Variants in GRIK2 observed in about 807,000 individuals in gnomAD.
The protein encoded by GRIK2 is glutamate ionotropic receptor kainate type subunit 2.
GRIK2 carries 32 observed loss-of-function variants against 100.3 expected under a neutral mutation model. The ratio of observed to expected loss-of-function variants is 0.32; its 90% CI spans 0.24 to 0.43. The LOEUF is 0.43. Among genes scored for constraint, GRIK2 ranks in the 20% least tolerant of loss-of-function variants. The pLI, the probability that GRIK2 is intolerant of heterozygous loss-of-function variation, is 1.00. For missense variants in GRIK2, 843 were observed against 1,114.9 expected, an observed-to-expected ratio of 0.76 and a Z score of 3.47; for synonymous variants, 417 against 389.4, an observed-to-expected ratio of 1.07 and a Z score of -0.83.
At chr6:101,708,842 T>G (rs1583000461) in intron 7 of GRIK2, among the ~76,000 whole-genome samples, 1 of 151,762 alleles carries the variant, frequency 6.6e-6, no homozygotes, top group Non-Finnish European at 1.5e-5. Context: ...AACAAAGATA[T>G]GTTGAAATCC....
chr6:101,697,435 A>G (rs1458745007), intron 7 of GRIK2, among the ~76,000 whole-genome samples: 3 of 151,604 alleles, frequency 2.0e-5, no homozygotes, highest in Non-Finnish European at 4.4e-5. Context: ...ACTTGAATCC[A>G]GTAGTCTTCT....
At chr6:101,535,144 A>C (rs977510565) in intron 2 of GRIK2, among the ~76,000 whole-genome samples, 2 of 151,368 alleles carry the variant, frequency 1.3e-5, no homozygotes, top group Non-Finnish European at 3.0e-5. Flanking sequence ...CAGTCTTGTG[A>C]AAAAAAACAG....
rs200482371 is a variant in GRIK2, at chr6:101,451,702, G to GA, written c.115+52310_115+52311insA. Reference sequence around the variant, plus strand: ...GCCCATTATTTATCTCTGAGGGGGGGGGGGGTGCCAAATACCTCCCACTTT... The same window carrying GA: ...GCCCATTATTTATCTCTGAGGGGGGGAGGGGGTGCCAAATACCTCCCACTTT... On this transcript the variant is annotated intron_variant, in intron 2 of 16. Coordinates refer to ENST00000369134, the MANE Select transcript of GRIK2 (RefSeq NM_021956.5). Among the ~76,000 whole-genome samples the GA allele has an allele frequency of 6.0e-5, 9 of 150,284 alleles. 1 individual carries two copies. Among genetic ancestry groups the GA allele is most frequent in the Non-Finnish European group, 1.5e-5 (1 of 67,292 alleles).
At chr6:101,822,098 G>A (rs1007278605) in intron 10 of GRIK2, among the ~76,000 whole-genome samples, 1 of 151,626 alleles carries the variant, frequency 6.6e-6, no homozygotes, top group African/African-American at 2.4e-5. Flanking sequence ...TGATGAATAT[G>A]TATTGAATAA....
At chr6:101,992,169 G>C (rs1367465812) in intron 14 of GRIK2, among the ~76,000 whole-genome samples, 3 of 151,526 alleles carry the variant, frequency 2.0e-5, no homozygotes, top group African/African-American at 7.2e-5. Context: ...AAGCAGATCA[G>C]TCAGTTGCAG....
At chr6:102,005,761 T>A (rs1795185443) in intron 14 of GRIK2, among the ~76,000 whole-genome samples, 1 of 152,262 alleles carries the variant, frequency 6.6e-6, no homozygotes, top group Non-Finnish European at 1.5e-5. Flanking sequence ...TATATTACTT[T>A]GGTATGGCTA....
intron 2 of GRIK2, among the ~76,000 whole-genome samples, chr6:101,536,752 TG>T (rs1359056859): frequency 6.6e-6 from 1 of 151,740 alleles, no homozygotes; most frequent in Non-Finnish European, 1.5e-5. Flanking sequence ...ATTATTGATA[TG>T]GTTATCAAAA....
chr6:101,823,574 T>C (rs1185191334), intron 10 of GRIK2, among the ~76,000 whole-genome samples: 1 of 152,132 alleles, frequency 6.6e-6, no homozygotes, highest in Non-Finnish European at 1.5e-5. Flanking sequence ...AGAACTATTA[T>C]CTTTCAAATT....
chr6:101,815,208 A>G (rs887461050), intron 9 of GRIK2, among the ~76,000 whole-genome samples: 1 of 152,148 alleles, frequency 6.6e-6, no homozygotes, highest in Non-Finnish European at 1.5e-5. Flanking sequence ...ATAGGACCAC[A>G]ATATTAACCA....
chr6:101,692,432 G>C (rs146539572), intron 7 of GRIK2, among the ~76,000 whole-genome samples: 1 of 151,930 alleles, frequency 6.6e-6, no homozygotes, highest in Non-Finnish European at 1.5e-5. Context: ...TTGATACCAG[G>C]CACTCAGGAT....
At chr6:101,470,931 T>G (rs1191481322) in intron 2 of GRIK2, among the ~76,000 whole-genome samples, 1 of 152,184 alleles carries the variant, frequency 6.6e-6, no homozygotes, top group Non-Finnish European at 1.5e-5. Context: ...AACCATGATG[T>G]TATAAATACC....
chr6:101,986,128 G>A (rs2128490767), intron 14 of GRIK2, among the ~76,000 whole-genome samples: 1 of 151,820 alleles, frequency 6.6e-6, no homozygotes, highest in Admixed American at 6.6e-5. Flanking sequence ...TGAACTAGAT[G>A]CACTCGTGAT....
chr6:102,004,290 T>G (rs973104319), intron 14 of GRIK2, among the ~76,000 whole-genome samples: 4 of 149,830 alleles, frequency 2.7e-5, no homozygotes, highest in African/African-American at 9.7e-5. Flanking sequence ...TAAGTTCATT[T>G]TTTTTTTTTT....
At chr6:101,727,699 C>T (rs116988114) in intron 7 of GRIK2, among the ~76,000 whole-genome samples, 1 of 152,116 alleles carries the variant, frequency 6.6e-6, no homozygotes, top group Non-Finnish European at 1.5e-5. Context: ...CAGTCCACTT[C>T]CCATTGATCT....
intron 2 of GRIK2, among the ~76,000 whole-genome samples, chr6:101,604,020 T>C (rs1167601487): frequency 6.6e-6 from 1 of 151,682 alleles, no homozygotes; most frequent in Non-Finnish European, 1.5e-5. Context: ...ATAATTACTT[T>C]GATAATACTC....
chr6:101,761,899 TTTC>T (rs1777718305), intron 7 of GRIK2, among the ~76,000 whole-genome samples: 1 of 123,378 alleles, frequency 8.1e-6, no homozygotes, highest in Non-Finnish European at 1.6e-5. Context: ...CCTCCCTTCT[TTTC>T]TTTTCTTCCT....
At chr6:101,539,275 A>G (rs1033347884) in intron 2 of GRIK2, among the ~76,000 whole-genome samples, 5 of 151,922 alleles carry the variant, frequency 3.3e-5, no homozygotes, top group African/African-American at 1.2e-4. Context: ...GCAACCATAC[A>G]TAGCAGAAAC....
chr6:101,928,030 C>T lies in GRIK2; in HGVS notation c.1868-385C>T, dbSNP rs534085402. The stretch of plus-strand genomic sequence containing the variant: ...AGGGATCCAAAAGTATATTTAAGCA[C>T]TTCCTCTGAAACCCTCATAACTAAC... On this transcript the variant is annotated intron_variant, in intron 13 of 16. Coordinates refer to ENST00000369134, the MANE Select transcript of GRIK2 (RefSeq NM_021956.5). The T allele has an allele frequency of 1.6e-3, 286 of 176,402 alleles. 9 individuals carry two copies. The South Asian group carries it at 0.035, about 21-fold the overall frequency. The allele number at this position is 176,402 out of a possible 1,614,324, so 10.9% of individuals were successfully genotyped here. A position where few individuals can be genotyped will look rare whatever the true frequency, so the allele number is the denominator to read the frequency against.
chr6:101,757,953 T>G (rs1041225935), intron 7 of GRIK2, among the ~76,000 whole-genome samples: 7 of 152,196 alleles, frequency 4.6e-5, no homozygotes, highest in African/African-American at 7.2e-5. Context: ...CACAACTGGG[T>G]GCAATGGCAC....
Sources: gnomAD v4.1 joint callset for allele counts (sites outside exome capture counted in the v4.1 genomes callset) on GRCh38, gnomAD v4.1.1 for gene constraint, MANE v1.5 for transcripts, NCBI Gene and HGNC (gene_info 2026-07-23, HGNC 2026-07-21) for gene names.